The following ZNF462 variants were observed in gnomAD, a reference collection of about 807,000 sequenced individuals.
ZNF462 encodes the protein zinc finger PBX1-interacting protein.
ZNF462 carries 10 observed loss-of-function variants against 201.9 expected under a neutral mutation model. The observed-to-expected ratio is 0.05, with a 90% CI of 0.03 to 0.08. ZNF462 has a LOEUF of 0.08. ZNF462 is among the 10% of genes least tolerant of loss of function. The pLI, the probability that ZNF462 is intolerant of heterozygous loss-of-function variation, is 1.00. For missense variants in ZNF462, 2,523 were observed against 3,168.3 expected, an observed-to-expected ratio of 0.80 and a Z score of 4.89; for synonymous variants, 1,227 against 1,193.3, an observed-to-expected ratio of 1.03 and a Z score of -0.58.
chr9:106,999,890 T>C (rs1228206572), intron 10 of ZNF462, among the ~76,000 whole-genome samples: 1 of 152,098 alleles, frequency 6.6e-6, no homozygotes, highest in East Asian at 1.9e-4. Context: ...GGTTCAGCTG[T>C]AAGTAAGACT....
At chr9:106,897,254 G>A (rs1828851266) in intron 1 of ZNF462, among the ~76,000 whole-genome samples, 1 of 152,110 alleles carries the variant, frequency 6.6e-6, no homozygotes, top group Non-Finnish European at 1.5e-5. Context: ...CAGTATTTGA[G>A]TAGAAACAGA....
In ZNF462 at chr9:106,981,644, T is replaced by C. The variant is rs1827439528; in HGVS notation, c.6833-2542T>C. On this transcript the variant is annotated intron_variant, in intron 9 of 12. Coordinates refer to ENST00000277225, the MANE Select transcript of ZNF462 (RefSeq NM_021224.6). The surrounding 1 kb of genome is among the most constrained non-coding windows in gnomAD (Gnocchi z 4.0). The stretch of plus-strand genomic sequence containing the variant: ...TAATTACTTGAACTTCAGGGTGTTA[T>C]TCTGACTATTCATGACTTTGTGTAA... 6.6e-6 allele frequency among the ~76,000 whole-genome samples: 1 copy of C among 152,202 alleles called. No homozygotes were observed. The highest frequency in any genetic ancestry group is 1.9e-4 in the East Asian group (1 of 5,192).
intron 10 of ZNF462, among the ~76,000 whole-genome samples, chr9:106,985,141 G>A (rs756984476): frequency 1.3e-5 from 2 of 152,148 alleles, no homozygotes; most frequent in Non-Finnish European, 2.9e-5. Context: ...GAGCCAACAT[G>A]ACTATGTTCC....
In ZNF462 at chr9:106,935,948, A is replaced by G. The variant is rs1830613488; in HGVS notation, c.6235+327A>G. Among the ~76,000 whole-genome samples the G allele has an allele frequency of 2.6e-5, 4 of 152,232 alleles. No homozygotes were observed. In the South Asian group the frequency reaches 8.3e-4, roughly 32 times the overall value. ...GCCTATACTTTCTAATTCAATTGCC[A>G]AGAATTGTTATATCTATTAAAAAGA... On this transcript the variant is annotated intron_variant, in intron 6 of 12. Coordinates refer to ENST00000277225, the MANE Select transcript of ZNF462 (RefSeq NM_021224.6). This position sits in a 1 kb window ranked among gnomAD's most constrained non-coding sequence, Gnocchi z 4.1.
In ZNF462 at chr9:106,913,194, T is replaced by C. The variant is rs1224374098; in HGVS notation, c.-30-10160T>C. ...ACAAGTGGAAACTTAGAATTGCCAG[T>C]GGAGACTTAGAATTACTAGTGTCTC... is the stretch of plus-strand genomic sequence containing the variant. On this transcript the variant is annotated intron_variant, in intron 1 of 12. Transcript: ENST00000277225. This position sits in a 1 kb window ranked among gnomAD's most constrained non-coding sequence, Gnocchi z 4.1. 6.6e-6 allele frequency among the ~76,000 whole-genome samples: 1 copy of C among 152,228 alleles called. No homozygotes were observed. The highest frequency in any genetic ancestry group is 2.4e-5 in the African/African-American group (1 of 41,470).
intron 7 of ZNF462, among the ~76,000 whole-genome samples, chr9:106,967,254 C>T (rs950769113): frequency 6.6e-6 from 1 of 152,052 alleles, no homozygotes; most frequent in Non-Finnish European, 1.5e-5. Flanking sequence ...TCTCTCATGT[C>T]TTCTTTGACT....
chr9:106,926,852 T>C lies in ZNF462; in HGVS notation c.2940T>C (p.Ile980=), dbSNP rs1333041814. The change falls in exon 3 of 13, where the codon ATT becomes ATC. Residue 980 remains isoleucine, a synonymous_variant. Transcript: ENST00000277225. This position sits in a 1 kb window ranked among gnomAD's most constrained non-coding sequence, Gnocchi z 7.9. ...LNTESQTLRE[I]LNSAPKNMAT... ...CAGAATCCCAGACCCTGAGGGAGAT[T>C]CTGAATTCGGCTCCCAAGAACATGG... 6.2e-7 allele frequency: 1 copy of C among 1,614,034 alleles called. No individual in the cohort carries two copies. Among genetic ancestry groups the C allele is most frequent in the Non-Finnish European group, 8.5e-7 (1 of 1,180,044 alleles).
At position 106,999,285 on chromosome 9, in the gene ZNF462, C is replaced by T. The variant is rs570077938; in HGVS notation, c.7057-4009C>T. On this transcript the variant is annotated intron_variant, in intron 10 of 12. Transcript: ENST00000277225. ...AGTTATTCAAATACCCACCAATCTC[C>T]GGGCCCAAAAAGTAGTGTAATCAGT... is the stretch of plus-strand genomic sequence containing the variant. Among the ~76,000 whole-genome samples, 34 of 152,202 alleles carry T rather than the reference C, an allele frequency of 2.2e-4. No homozygotes were observed. In the South Asian group the frequency reaches 6.0e-3, roughly 27 times the overall value.
At position 106,920,726 on chromosome 9, in the gene ZNF462, T is replaced by C. The variant is rs911019546; in HGVS notation, c.-30-2628T>C. On this transcript the variant is annotated intron_variant, in intron 1 of 12. Transcript: ENST00000277225. This position sits in a 1 kb window ranked among gnomAD's most constrained non-coding sequence, Gnocchi z 4.3. ...CCAGTGAAGTTAGCATCCTTGATAA[T>C]AGCTTCAGAAGACACCAAGATATTA... Among the ~76,000 whole-genome samples, 135 of 152,288 alleles carry C rather than the reference T, an allele frequency of 8.9e-4. 1 individual carries two copies. The highest frequency in any genetic ancestry group is 3.4e-3 in the Middle Eastern group (1 of 294).
chr9:106,942,578 A>C (rs923715642), intron 7 of ZNF462, among the ~76,000 whole-genome samples: 2 of 152,234 alleles, frequency 1.3e-5, no homozygotes, highest in African/African-American at 4.8e-5. Flanking sequence ...GGAAACAATA[A>C]GGTTGTCAAC....
At chr9:106,997,529 T>C (rs1828827014) in intron 10 of ZNF462, among the ~76,000 whole-genome samples, 1 of 152,318 alleles carries the variant, frequency 6.6e-6, no homozygotes, top group South Asian at 2.1e-4. Flanking sequence ...TTTGGGACTG[T>C]ATGGACAAAC....
At chr9:106,916,859 C>T (rs771191116) in intron 1 of ZNF462, among the ~76,000 whole-genome samples, 88 of 152,258 alleles carry the variant, frequency 5.8e-4, no homozygotes, top group Admixed American at 7.2e-4. Flanking sequence ...ATTGTCAAGA[C>T]GCTTCTCAGA....
chr9:106,977,077 C>T lies in ZNF462; in HGVS notation c.6832+2804C>T, dbSNP rs1181521035. On this transcript the variant is annotated intron_variant, in intron 9 of 12. Coordinates refer to ENST00000277225, the MANE Select transcript of ZNF462 (RefSeq NM_021224.6). The surrounding 1 kb of genome is among the most constrained non-coding windows in gnomAD (Gnocchi z 4.6). ...GTCAGAGGGGAAGTCCACGGATCCA[C>T]AGGCAGCAGAGTGCCTCAGGACAGC... Among the ~76,000 whole-genome samples, 1 of 152,278 alleles carries T rather than the reference C, an allele frequency of 6.6e-6. No individual in the cohort carries two copies. The highest frequency in any genetic ancestry group is 1.9e-4 in the East Asian group (1 of 5,170).
At chr9:106,936,849 T>A (rs1392856109) in intron 6 of ZNF462, among the ~76,000 whole-genome samples, 2 of 152,190 alleles carry the variant, frequency 1.3e-5, no homozygotes, top group Non-Finnish European at 2.9e-5. Context: ...TGCCAGCGTA[T>A]TAAGCTGAAG....
In ZNF462 at chr9:106,927,372, G is replaced by A. The variant is rs369490974; in HGVS notation, c.3460G>A (p.Ala1154Thr). ...ATATATCAGACAGGCTCCTCCCACAGCTGCAATGATGAGAGGGGTCGAAGG... is the reference window on the plus strand; with the variant it reads ...ATATATCAGACAGGCTCCTCCCACAACTGCAATGATGAGAGGGGTCGAAGG... ...AKYIRQAPPT[A>T]AMMRGVEGPQ... The change falls in exon 3 of 13, where the codon GCT becomes ACT. Residue 1154 changes from alanine (A) to threonine (T), a missense_variant. Ala to Thr is a moderately conservative substitution (Grantham distance 58). Around this residue, in one of 15 missense-constraint regions of ZNF462, gnomAD observed 222 missense variants for 271.6 expected, o/e 0.82. Coordinates refer to ENST00000277225, the MANE Select transcript of ZNF462 (RefSeq NM_021224.6). 6.2e-7 allele frequency: 1 copy of A among 1,614,120 alleles called. No homozygotes were observed. The highest frequency in any genetic ancestry group is 1.3e-5 in the African/African-American group (1 of 75,028).
intron 1 of ZNF462, among the ~76,000 whole-genome samples, chr9:106,899,423 C>G (rs1828962680): frequency 6.6e-6 from 1 of 152,096 alleles, no homozygotes; most frequent in Non-Finnish European, 1.5e-5. Context: ...AAGGAATCAG[C>G]CTTAGATGAT....
Position 106,932,644 on chromosome 9 carries a change from C to T in ZNF462, c.6116+95C>T. 6.7e-7 allele frequency: 1 copy of T among 1,499,712 alleles called. No individual in the cohort carries two copies. The highest frequency in any genetic ancestry group is 9.1e-7 in the Non-Finnish European group (1 of 1,093,032). 92.9% of individuals were successfully genotyped at this position (1,499,712 alleles called of 1,614,324 possible). A position where few individuals can be genotyped will look rare whatever the true frequency, so the allele number is the denominator to read the frequency against. On this transcript the variant is annotated intron_variant, in intron 5 of 12. Transcript: ENST00000277225. The surrounding 1 kb of genome is among the most constrained non-coding windows in gnomAD (Gnocchi z 6.8). ...GCAGAAGCTTGGATGAGTAAGAAGG[C>T]CCCACTCATGGTTCACACCTGCTGC...
rs1830586604 is a variant in ZNF462, at chr9:106,935,290, A to C, written c.6117-213A>C. ...TGCCATATCTCTAAATCCAAAAAAA[A>C]CTCTTGATCTCTTCCTTTAGCTTCC... On this transcript the variant is annotated intron_variant, in intron 5 of 12. Transcript: ENST00000277225. The surrounding 1 kb of genome is among the most constrained non-coding windows in gnomAD (Gnocchi z 4.1). 6.6e-6 allele frequency among the ~76,000 whole-genome samples: 1 copy of C among 151,900 alleles called. No individual in the cohort carries two copies. Among genetic ancestry groups the C allele is most frequent in the Non-Finnish European group, 1.5e-5 (1 of 67,976 alleles).
intron 9 of ZNF462, among the ~76,000 whole-genome samples, chr9:106,983,244 A>G (rs1193325332): frequency 6.6e-6 from 1 of 152,214 alleles, no homozygotes; most frequent in Non-Finnish European, 1.5e-5. Context: ...CCAGCCCTAC[A>G]GCATTTGGTA....
Sources: allele counts gnomAD v4.1 joint callset (sites outside exome capture counted in the v4.1 genomes callset), GRCh38; gene constraint gnomAD v4.1.1; regional missense constraint gnomAD v4.1.1; non-coding constraint Gnocchi (gnomAD v3.1); transcripts MANE v1.5; gene names NCBI Gene and HGNC (gene_info 2026-07-23, HGNC 2026-07-21).